Variants in MYBPC1 observed in about 807,000 individuals in gnomAD.
The protein encoded by MYBPC1 is myosin binding protein C1.
In MYBPC1, 52 loss-of-function variants were observed where a neutral mutation model predicts 147.1. The ratio of observed to expected loss-of-function variants is 0.35; its 90% confidence interval spans 0.28 to 0.45. The LOEUF (loss-of-function observed/expected upper bound fraction) is 0.45, where lower values mean the gene tolerates loss of function less well. Among genes scored for constraint, MYBPC1 ranks in the 20% least tolerant of loss-of-function variants. MYBPC1 has a pLI of 1.00. For missense variants in MYBPC1, 1,228 were observed against 1,440.3 expected (o/e 0.85, Z 2.39); for synonymous variants, 477 against 475.9 (o/e 1.00, Z -0.03).
In MYBPC1 at chr12:101,634,180, G is replaced by T. The variant is rs541164850; in HGVS notation, c.557-374G>T. On this transcript the variant is annotated intron_variant, in intron 8 of 31. Transcript: ENST00000361466. ...CTCCCAAAGTGCTGGGATTACAGGCGTGAGCCACCGCGCCCGGCCCCTGGA... is the reference window on the plus strand; with the variant it reads ...CTCCCAAAGTGCTGGGATTACAGGCTTGAGCCACCGCGCCCGGCCCCTGGA... Among the ~76,000 whole-genome samples the T allele has an allele frequency of 3.0e-3, 451 of 152,276 alleles. 1 individual carries two copies. Among genetic ancestry groups the T allele is most frequent in the Non-Finnish European group, 5.0e-3 (343 of 68,016 alleles).
chr12:101,611,169 C>T (rs899593407), intron 1 of MYBPC1, among the ~76,000 whole-genome samples: 2 of 152,188 alleles, frequency 1.3e-5, no homozygotes, highest in African/African-American at 2.4e-5. Flanking sequence ...TTTCTACTCC[C>T]TGCAACCATC....
At chr12:101,618,261 C>G (rs1319739507) in intron 3 of MYBPC1, among the ~76,000 whole-genome samples, 1 of 152,136 alleles carries the variant, frequency 6.6e-6, no homozygotes, top group Non-Finnish European at 1.5e-5. Context: ...CTAACTTGAA[C>G]TTATGCTCTC....
chr12:101,653,150 G>A lies in MYBPC1; in HGVS notation c.1669G>A (p.Asp557Asn), dbSNP rs1894863250. 6.2e-7 allele frequency: 1 copy of A among 1,613,954 alleles called. No individual in the cohort carries two copies. Among genetic ancestry groups the A allele is most frequent in the South Asian group, 1.1e-5 (1 of 91,080 alleles). Residue 557 changes from aspartate (D) to asparagine (N), a missense_variant, in exon 18 of 32, where the codon GAC becomes AAC. Around this residue, in one of 2 missense-constraint regions of MYBPC1, gnomAD observed 1,077 missense variants for 1,314.2 expected, o/e 0.82. Coordinates refer to ENST00000361466, the MANE Select transcript of MYBPC1 (RefSeq NM_002465.4). Reference sequence around the variant, plus strand: ...GATCATCCTGGATGGTCTTGATGCTGACAACACAGTGACAGTGATTGCAGG... The same window carrying A: ...GATCATCCTGGATGGTCTTGATGCTAACAACACAGTGACAGTGATTGCAGG... ...PKIILDGLDADNTVTVIAGNK... is the reference protein window; with the variant it reads ...PKIILDGLDANNTVTVIAGNK...
In MYBPC1 at chr12:101,667,822, G is replaced by T; in HGVS notation, c.2447G>T (p.Arg816Leu). 3.7e-6 allele frequency: 6 copies of T among 1,614,204 alleles called. No individual in the cohort carries two copies. The highest frequency in any genetic ancestry group is 4.2e-6 in the Non-Finnish European group (5 of 1,180,040). Reference sequence around the variant, plus strand: ...CCAACAGATGCAAAGATCTTTGTGCGTGTGAAGGCTGTTAATGCAGCTGGT... The same window carrying T: ...CCAACAGATGCAAAGATCTTTGTGCTTGTGAAGGCTGTTAATGCAGCTGGT... ...GLPTDAKIFV[R>L]VKAVNAAGAS... Residue 816 changes from arginine to leucine, a missense_variant, in exon 23 of 32, where the codon CGT becomes CTT. Physicochemically the swap from Arg to Leu is moderately radical, Grantham distance 102 (BLOSUM62 -2). Transcript: ENST00000361466.
chr12:101,604,181 A>G (rs1381214039), intron 1 of MYBPC1, among the ~76,000 whole-genome samples: 3 of 152,308 alleles, frequency 2.0e-5, no homozygotes, highest in East Asian at 3.9e-4. Flanking sequence ...CATGTTAACA[A>G]TGAGAAGCTA....
chr12:101,648,486 T>C (rs961640334), intron 14 of MYBPC1, among the ~76,000 whole-genome samples: 6 of 152,320 alleles, frequency 3.9e-5, no homozygotes, highest in Admixed American at 2.6e-4. Context: ...TATGCCATAT[T>C]GGCAACTTAC....
downstream of MYBPC1, among the ~76,000 whole-genome samples, chr12:101,689,988 A>T (rs1951392671): frequency 6.6e-6 from 1 of 152,164 alleles, no homozygotes; most frequent in South Asian, 2.1e-4. Flanking sequence ...CAGCCTGGCC[A>T]ACATGGCGAA....
At position 101,634,588 on chromosome 12, in the gene MYBPC1, A is replaced by G. The variant is rs111385804; in HGVS notation, c.591A>G (p.Arg197=). The G allele has an allele frequency of 6.2e-7, 1 of 1,613,246 alleles. No individual in the cohort carries two copies. Among genetic ancestry groups the G allele is most frequent in the Non-Finnish European group, 8.5e-7 (1 of 1,179,244 alleles). ...GGACTACTCCAAACATTGACATCAG[A>G]TCTGCTTTCAAGAGAAGGTAACTCC... ...STGTTPNIDI[R]SAFKRSGEGQ... is the part of the protein sequence containing the mutation. The change falls in exon 9 of 32, where the codon AGA becomes AGG. Residue 197 remains arginine, a synonymous_variant. Transcript: ENST00000361466.
At chr12:101,672,753 C>A (rs1898994505) in intron 24 of MYBPC1, among the ~76,000 whole-genome samples, 1 of 152,010 alleles carries the variant, frequency 6.6e-6, no homozygotes, top group African/African-American at 2.4e-5. Flanking sequence ...GGAGGGTGAG[C>A]AGGAGAATCC....
intron 30 of MYBPC1, among the ~76,000 whole-genome samples, chr12:101,684,074 A>G (rs1165138515): frequency 6.6e-6 from 1 of 152,140 alleles, no homozygotes; most frequent in Non-Finnish European, 1.5e-5. Context: ...GTTTTAAGCT[A>G]ATGGTTTGGA....
chr12:101,651,126 A>G (rs1289119051), intron 15 of MYBPC1, 105 bp from the exon 16 acceptor site: 23 of 1,266,094 alleles, frequency 1.8e-5, no homozygotes, highest in Admixed American at 3.4e-5. Flanking sequence ...TCTCACTTTC[A>G]AAACAAACAT....
chr12:101,631,705 G>A lies in MYBPC1; in HGVS notation c.424G>A (p.Glu142Lys). Residue 142 changes from glutamate to lysine, a missense_variant, in exon 7 of 32, where the codon GAG becomes AAG. By Grantham distance (56) the Glu-to-Lys change is moderately conservative. Around this residue, in one of 2 missense-constraint regions of MYBPC1, gnomAD observed 1,077 missense variants for 1,314.2 expected, o/e 0.82. Coordinates refer to ENST00000361466, the MANE Select transcript of MYBPC1 (RefSeq NM_002465.4). ...GCACCTTCAGCTGAAGGAAACCTTT[G>A]AGAGGCACAGTCGGGTAAGGCCCTG... is the stretch of plus-strand genomic sequence containing the variant. The part of the protein sequence containing the change: ...GKHLQLKETF[E>K]RHSRVYTFEM... 1 of 1,614,164 alleles carries A rather than the reference G, an allele frequency of 6.2e-7. No homozygotes were observed. Among genetic ancestry groups the A allele is most frequent in the Non-Finnish European group, 8.5e-7 (1 of 1,180,038 alleles).
downstream of MYBPC1, among the ~76,000 whole-genome samples, chr12:101,689,476 C>T (rs763225969): frequency 3.4e-4 from 51 of 152,144 alleles, no homozygotes; most frequent in Admixed American, 2.0e-3. Context: ...TGAAACATCC[C>T]TGACAAGCGT....
chr12:101,682,752 C>T, intron 30 of MYBPC1, 90 bp downstream of exon 30: 3 of 1,272,180 alleles, frequency 2.4e-6, no homozygotes, highest in Non-Finnish European at 3.4e-6. Context: ...GCTTGACTTT[C>T]TCATTTGCTT....
intron 10 of MYBPC1, among the ~76,000 whole-genome samples, chr12:101,640,275 G>C (rs762190893): frequency 1.3e-5 from 2 of 152,130 alleles, no homozygotes; most frequent in African/African-American, 4.8e-5. Context: ...GCCTCCTAAA[G>C]TGCTGGGATT....
intron 1 of MYBPC1, among the ~76,000 whole-genome samples, chr12:101,610,646 G>A (rs1332939862): frequency 2.0e-5 from 3 of 152,142 alleles, no homozygotes; most frequent in African/African-American, 7.2e-5. Flanking sequence ...CCTGAGTTAG[G>A]CTGTGCTATT....
intron 7 of MYBPC1, 69 bp downstream of exon 7, chr12:101,631,788 T>C: frequency 3.1e-6 from 5 of 1,605,270 alleles, no homozygotes; most frequent in Non-Finnish European, 4.3e-6. Flanking sequence ...AATGATTATT[T>C]TCAGGTTCAG....
chr12:101,601,161 GA>G (rs1297483522), intron 1 of MYBPC1, among the ~76,000 whole-genome samples: 1 of 152,190 alleles, frequency 6.6e-6, no homozygotes, highest in Non-Finnish European at 1.5e-5. Flanking sequence ...TGAAAAAGAA[GA>G]AAAGACTTTG....
chr12:101,661,214 A>T lies in MYBPC1; in HGVS notation c.1984A>T (p.Ile662Phe). The T allele has an allele frequency of 6.2e-7, 1 of 1,613,916 alleles. No homozygotes were observed. The highest frequency in any genetic ancestry group is 8.5e-7 in the Non-Finnish European group (1 of 1,179,958). ...GACAGAGGTGGGAGATGACTGGTGT[A>T]TCATGAACTGGGAGCCTCCTGCCTA... ...TVTEVGDDWC[I>F]MNWEPPAYDG... Residue 662 changes from isoleucine (I) to phenylalanine (F), a missense_variant, in exon 20 of 32, where the codon ATC becomes TTC. This residue lies in a region of MYBPC1 where 1,077 missense variants were observed against 1,314.2 expected (regional missense o/e 0.82). Coordinates refer to ENST00000361466, the MANE Select transcript of MYBPC1 (RefSeq NM_002465.4).
Sources: allele counts gnomAD v4.1 joint callset (sites outside exome capture counted in the v4.1 genomes callset), GRCh38; gene constraint gnomAD v4.1.1; regional missense constraint gnomAD v4.1.1; transcripts MANE v1.5; gene names NCBI Gene and HGNC (gene_info 2026-07-23, HGNC 2026-07-21).